SUCLG2: variants seen among roughly 807,000 people sequenced by gnomAD.
SUCLG2 encodes succinate-CoA ligase GDP-forming subunit beta, also known as succinate--CoA ligase [GDP-forming] subunit beta, mitochondrial.
SUCLG2 carries 42 observed loss-of-function variants against 47.9 expected under a neutral mutation model. The observed-to-expected ratio is 0.88, with a 90% CI of 0.69 to 1.14. The LOEUF (loss-of-function observed/expected upper bound fraction) is 1.14. Ranked by LOEUF, SUCLG2 falls within the 50% of genes most tolerant of loss-of-function variation. SUCLG2 has a pLI of 0.00. For missense variants in SUCLG2, 571 were observed against 525.9 expected (o/e 1.09, Z -0.84); for synonymous variants, 195 against 197.3 (o/e 0.99, Z 0.10).
At chr3:67,535,691 T>C (rs193178750) in intron 2 of SUCLG2, among the ~76,000 whole-genome samples, 2 of 152,172 alleles carry the variant, frequency 1.3e-5, no homozygotes, top group Non-Finnish European at 2.9e-5. Context: ...TGGGTCCATA[T>C]GGCTCAGCAG....
At chr3:67,648,197 G>A (rs1701223763) in intron 1 of SUCLG2, among the ~76,000 whole-genome samples, 1 of 152,198 alleles carries the variant, frequency 6.6e-6, no homozygotes, top group African/African-American at 2.4e-5. Flanking sequence ...TGCAGAGAAA[G>A]AACATGGGAG....
chr3:67,433,143 T>C (rs1461304454), intron 9 of SUCLG2, among the ~76,000 whole-genome samples: 1 of 152,134 alleles, frequency 6.6e-6, no homozygotes, highest in African/African-American at 2.4e-5. Context: ...CTGCTAGCCA[T>C]TTCCTCTAGT....
intron 2 of SUCLG2, among the ~76,000 whole-genome samples, chr3:67,549,349 G>T (rs539527065): frequency 2.6e-5 from 4 of 152,204 alleles, no homozygotes; most frequent in African/African-American, 9.6e-5. Flanking sequence ...TAACATCATG[G>T]GACTCCAGAC....
intron 10 of SUCLG2, among the ~76,000 whole-genome samples, chr3:67,395,957 TG>T (rs1178064594): frequency 2.0e-5 from 3 of 152,086 alleles, no homozygotes; most frequent in African/African-American, 7.2e-5. Flanking sequence ...GAAATAAAGA[TG>T]TTTTTTGAAA....
intron 10 of SUCLG2, among the ~76,000 whole-genome samples, chr3:67,393,792 C>A (rs913231704): frequency 6.6e-6 from 1 of 152,148 alleles, no homozygotes; most frequent in South Asian, 2.1e-4. Context: ...AGACTGACAC[C>A]TCACATGGCC....
intron 9 of SUCLG2, among the ~76,000 whole-genome samples, chr3:67,434,457 G>A (rs369109364): frequency 7.2e-5 from 11 of 152,298 alleles, no homozygotes; most frequent in Admixed American, 5.2e-4. Context: ...GGCCTGGGAG[G>A]TTGAGACTGC....
At chr3:67,606,074 G>A (rs1027288240) in intron 2 of SUCLG2, among the ~76,000 whole-genome samples, 1 of 152,018 alleles carries the variant, frequency 6.6e-6, no homozygotes, top group Admixed American at 6.6e-5. Context: ...GTGTGGTGGT[G>A]TGTGCCTGTA....
At chr3:67,464,334 G>A (rs533511471) in intron 9 of SUCLG2, among the ~76,000 whole-genome samples, 2 of 152,286 alleles carry the variant, frequency 1.3e-5, no homozygotes, top group African/African-American at 4.8e-5. Context: ...CCTCATGGGT[G>A]TGCAATTTTA....
chr3:67,522,894 G>T (rs1191937982), intron 4 of SUCLG2, among the ~76,000 whole-genome samples: 2 of 151,778 alleles, frequency 1.3e-5, no homozygotes, highest in East Asian at 1.9e-4. Flanking sequence ...TCAATCTCCT[G>T]ACCTCGTGAT....
chr3:67,623,496 A>C (rs1225308961), intron 1 of SUCLG2, among the ~76,000 whole-genome samples: 2 of 152,172 alleles, frequency 1.3e-5, no homozygotes, highest in Admixed American at 1.3e-4. Context: ...GTGAGACTCC[A>C]TCTTAAGAAA....
chr3:67,393,404 G>T (rs62256372), intron 10 of SUCLG2, among the ~76,000 whole-genome samples: 2 of 151,364 alleles, frequency 1.3e-5, no homozygotes, highest in African/African-American at 4.8e-5. Context: ...TACGCCCACG[G>T]AGTCTCACTG....
At chr3:67,530,332 A>G (rs2107149944) in intron 2 of SUCLG2, among the ~76,000 whole-genome samples, 1 of 152,340 alleles carries the variant, frequency 6.6e-6, no homozygotes, top group East Asian at 1.9e-4. Flanking sequence ...CAGAGCCTGA[A>G]AACTTGTGAT....
chr3:67,542,118 C>G, intron 2 of SUCLG2, among the ~76,000 whole-genome samples: 1 of 152,106 alleles, frequency 6.6e-6, no homozygotes, highest in East Asian at 1.9e-4. Flanking sequence ...AGGTGATCCA[C>G]CCACCTCAGC....
rs143525465 is a variant in SUCLG2, at chr3:67,535,535, G to A, written c.227-6349C>T. ...GCCTAATGGGAGGTGCTTGGGTCAC[G>A]GGAGACGATCCCTTATGAATAGATT... On this transcript the variant is annotated intron_variant, in intron 2 of 10. Transcript: ENST00000307227. 1.8e-3 allele frequency among the ~76,000 whole-genome samples: 278 copies of A among 152,152 alleles called. 2 individuals are homozygous for A. Among genetic ancestry groups the A allele is most frequent in the African/African-American group, 6.5e-3 (268 of 41,506 alleles).
chr3:67,396,542 C>T (rs1272916615), intron 10 of SUCLG2, among the ~76,000 whole-genome samples: 2 of 152,116 alleles, frequency 1.3e-5, no homozygotes, highest in African/African-American at 2.4e-5. Flanking sequence ...AGCTTACCAA[C>T]CATAAAGAGT....
At chr3:67,465,208 C>A (rs988916269) in intron 9 of SUCLG2, among the ~76,000 whole-genome samples, 24 of 152,150 alleles carry the variant, frequency 1.6e-4, no homozygotes, top group African/African-American at 5.3e-4. Context: ...TCTAAGATTT[C>A]ATTGTTCTGG....
At chr3:67,628,944 C>T (rs1161625199) in intron 1 of SUCLG2, among the ~76,000 whole-genome samples, 1 of 152,190 alleles carries the variant, frequency 6.6e-6, no homozygotes, top group Non-Finnish European at 1.5e-5. Context: ...CGGGAAAAGG[C>T]AGACAGGGGA....
At chr3:67,369,510 G>A (rs1193665415) in intron 10 of SUCLG2, among the ~76,000 whole-genome samples, 1 of 152,154 alleles carries the variant, frequency 6.6e-6, no homozygotes, top group Non-Finnish European at 1.5e-5. Flanking sequence ...GCTGGGAAGT[G>A]CATATGCAAT....
intron 1 of SUCLG2, among the ~76,000 whole-genome samples, chr3:67,650,613 C>T (rs1212774359): frequency 1.3e-5 from 2 of 152,054 alleles, no homozygotes; most frequent in East Asian, 3.8e-4. Context: ...AAAAATCAGC[C>T]AGGCATGGTG....
Sources: gnomAD v4.1 joint callset for allele counts (sites outside exome capture counted in the v4.1 genomes callset) on GRCh38, gnomAD v4.1.1 for gene constraint, MANE v1.5 for transcripts, NCBI Gene and HGNC (gene_info 2026-07-23, HGNC 2026-07-21) for gene names.